SKOR2: variants seen among roughly 807,000 people sequenced by gnomAD.
SKOR2 encodes SKI family transcriptional corepressor 2, also known as LBX1 corepressor 1-like protein.
A neutral mutation model predicts 69.1 loss-of-function variants in SKOR2; 47 were observed. The ratio of observed to expected loss-of-function variants is 0.68; its 90% CI spans 0.54 to 0.87. The LOEUF (loss-of-function observed/expected upper bound fraction) is 0.87. Among genes scored for constraint, SKOR2 ranks in the 40% least tolerant of loss-of-function variants. SKOR2 has a pLI of 0.00. For synonymous variants in SKOR2, 717 were observed against 672.6 expected (o/e 1.07, Z -1.02); for missense variants, 1,404 against 1,472.2 (o/e 0.95, Z 0.76).
chr18:47,213,599 GA>G (rs919780142), intron 7 of SKOR2, among the ~76,000 whole-genome samples: 39 of 150,788 alleles, frequency 2.6e-4, no homozygotes, highest in Non-Finnish European at 4.7e-4. Flanking sequence ...TTTTTAACAG[GA>G]AAAAAAAGGA....
chr18:47,249,625 A>G (rs2064304068), intron 1 of SKOR2, among the ~76,000 whole-genome samples: 2 of 152,238 alleles, frequency 1.3e-5, no homozygotes, highest in African/African-American at 4.8e-5. Context: ...GGGCTTGGCC[A>G]TTGAAACCCA....
intron 6 of SKOR2, among the ~76,000 whole-genome samples, chr18:47,228,640 C>A (rs1481315391): frequency 6.6e-6 from 1 of 152,150 alleles, no homozygotes; most frequent in Non-Finnish European, 1.5e-5. Context: ...GCAAACTCAA[C>A]AATTAGATAA....
At chr18:47,228,430 T>C (rs62096538) in intron 6 of SKOR2, among the ~76,000 whole-genome samples, 81 of 152,352 alleles carry the variant, frequency 5.3e-4, no homozygotes, top group African/African-American at 1.9e-3. Flanking sequence ...ACATTTTGTT[T>C]AACGGAAACA....
At chr18:47,236,727 T>C (rs1394066714) in intron 4 of SKOR2, among the ~76,000 whole-genome samples, 1 of 152,102 alleles carries the variant, frequency 6.6e-6, no homozygotes, top group Non-Finnish European at 1.5e-5. Flanking sequence ...CTTCCCAGCA[T>C]CCAGAACTGA....
chr18:47,250,116 A>C (rs1388882961), intron 1 of SKOR2, among the ~76,000 whole-genome samples: 1 of 152,206 alleles, frequency 6.6e-6, no homozygotes, highest in Admixed American at 6.5e-5. Flanking sequence ...CTTCATTGGC[A>C]GACTTCAAAA....
Position 47,247,080 on chromosome 18 carries a change from G to A in SKOR2, c.2104C>T (p.Pro702Ser), listed in dbSNP as rs904348804. 3 of 1,267,442 alleles carry A rather than the reference G, an allele frequency of 2.4e-6. No individual in the cohort carries two copies. The highest frequency in any genetic ancestry group is 4.8e-5 in the South Asian group (2 of 41,496). The allele number at this position is 1,267,442 out of a possible 1,614,324, so 78.5% of individuals were successfully genotyped here. A position where few individuals can be genotyped will look rare whatever the true frequency, so the allele number is the denominator to read the frequency against. Residue 702 changes from proline (P) to serine (S), a missense_variant, in exon 2 of 9, where the codon CCC becomes TCC. By Grantham distance (74) the Pro-to-Ser change is moderately conservative. Around this residue, in one of 3 missense-constraint regions of SKOR2, gnomAD observed 1,266 missense variants for 1,309.9 expected, o/e 0.97. Coordinates refer to ENST00000425639, the MANE Select transcript of SKOR2 (RefSeq NM_001278063.4). The surrounding 1 kb of genome is among the most constrained non-coding windows in gnomAD (Gnocchi z 6.6). ...HPAPPPPPPP[P>S]PPPPLAQHPH... Reference sequence around the variant, plus strand: ...TGCTGGGCCAGAGGGGGCGGCGGGGGCGGCGGCGGCGGCGGCGGCGGGGCC... The same window carrying A: ...TGCTGGGCCAGAGGGGGCGGCGGGGACGGCGGCGGCGGCGGCGGCGGGGCC...
intron 7 of SKOR2, 139 bp from the exon 8 acceptor site, chr18:47,212,290 G>T (rs562856565): frequency 4.2e-6 from 3 of 708,464 alleles, no homozygotes; most frequent in African/African-American, 1.8e-5. Context: ...TCTGCTCAGC[G>T]GTATGAGGTT....
At position 47,224,962 on chromosome 18, in the gene SKOR2, A is replaced by G. The variant is rs149089651; in HGVS notation, c.2918-4952T>C. ...TTTTTTCATAGCCATCTTCTACTGA[A>G]AGGAGTTTAATCTGTACAGTATTTT... On this transcript the variant is annotated intron_variant, in intron 6 of 8. Coordinates refer to ENST00000425639, the MANE Select transcript of SKOR2 (RefSeq NM_001278063.4). Among the ~76,000 whole-genome samples, 32 of 152,246 alleles carry G rather than the reference A, an allele frequency of 2.1e-4. No homozygotes were observed. In the East Asian group the frequency reaches 6.2e-3, roughly 29 times the overall value.
At chr18:47,235,792 A>AAC (rs1401229556) in intron 4 of SKOR2, among the ~76,000 whole-genome samples, 3 of 150,854 alleles carry the variant, frequency 2.0e-5, no homozygotes, top group African/African-American at 4.9e-5. Context: ...AAAAAAAAAA[A>AAC]AAAAAAAAAC....
intron 4 of SKOR2, 146 bp downstream of exon 4, chr18:47,244,761 TC>T (rs1022346821): frequency 9.7e-6 from 6 of 621,580 alleles, no homozygotes; most frequent in African/African-American, 9.4e-5. Flanking sequence ...TGTCACTGCT[TC>T]CCCATTTGTG....
Position 47,247,790 on chromosome 18 carries a change from G to A in SKOR2, c.1394C>T (p.Pro465Leu). 2.1e-6 allele frequency: 3 copies of A among 1,398,806 alleles called. No homozygotes were observed. Among genetic ancestry groups the A allele is most frequent in the African/African-American group, 3.0e-5 (2 of 65,936 alleles). 86.6% of individuals were successfully genotyped at this position (1,398,806 alleles called of 1,614,324 possible). A position where few individuals can be genotyped will look rare whatever the true frequency, so the allele number is the denominator to read the frequency against. ...WPAGRKDAFY[P>L]PFCMFWPPRT... Reference sequence around the variant, plus strand: ...CGGCGGCCAGAACATGCAGAAGGGCGGATAGAAGGCGTCCTTGCGGCCCGC... The same window carrying A: ...CGGCGGCCAGAACATGCAGAAGGGCAGATAGAAGGCGTCCTTGCGGCCCGC... Residue 465 changes from proline (P) to leucine (L), a missense_variant, in exon 2 of 9, where the codon CCG (proline) becomes CTG (leucine). Transcript: ENST00000425639. This position sits in a 1 kb window ranked among gnomAD's most constrained non-coding sequence, Gnocchi z 6.6.
In SKOR2 at chr18:47,247,370, G is replaced by A. The variant is rs2064283605; in HGVS notation, c.1814C>T (p.Pro605Leu). Residue 605 changes from proline to leucine, a missense_variant, in exon 2 of 9, where the codon CCG (proline) becomes CTG (leucine). This residue lies in a region of SKOR2 where 1,266 missense variants were observed against 1,309.9 expected (regional missense o/e 0.97). Coordinates refer to ENST00000425639, the MANE Select transcript of SKOR2 (RefSeq NM_001278063.4). This position sits in a 1 kb window ranked among gnomAD's most constrained non-coding sequence, Gnocchi z 6.6. ...AGSRVPAPHHPHLLEGRKAGG... is the reference protein window; with the variant it reads ...AGSRVPAPHHLHLLEGRKAGG... Reference sequence around the variant, plus strand: ...CGCTTTGCGCCCCTCCAGAAGGTGCGGATGGTGGGGCGCCGGAACCCGGGA... The same window carrying A: ...CGCTTTGCGCCCCTCCAGAAGGTGCAGATGGTGGGGCGCCGGAACCCGGGA... 3 of 1,427,680 alleles carry A rather than the reference G, an allele frequency of 2.1e-6. No individual in the cohort carries two copies. Among genetic ancestry groups the A allele is most frequent in the African/African-American group, 1.5e-5 (1 of 67,402 alleles). 88.4% of individuals were successfully genotyped at this position (1,427,680 alleles called of 1,614,324 possible). A position where few individuals can be genotyped will look rare whatever the true frequency, so the allele number is the denominator to read the frequency against.
chr18:47,247,698 C>G lies in SKOR2; in HGVS notation c.1486G>C (p.Gly496Arg). The change falls in exon 2 of 9, where the codon GGC becomes CGC. Residue 496 changes from glycine (G) to arginine (R), a missense_variant. Around this residue, in one of 3 missense-constraint regions of SKOR2, gnomAD observed 1,266 missense variants for 1,309.9 expected, o/e 0.97. Transcript: ENST00000425639. The surrounding 1 kb of genome is among the most constrained non-coding windows in gnomAD (Gnocchi z 6.6). ...QPPPQPPSAL[G>R]CALGESPALL... ...GCCGGGCTTTCGCCTAGCGCGCAGC[C>G]TAGCGCCGAGGGCGGCTGAGGCGGG... is the stretch of plus-strand genomic sequence containing the variant. 1 of 1,366,442 alleles carries G rather than the reference C, an allele frequency of 7.3e-7. No individual in the cohort carries two copies. The highest frequency in any genetic ancestry group is 9.4e-7 in the Non-Finnish European group (1 of 1,068,662). The allele number at this position is 1,366,442 out of a possible 1,614,324, so 84.6% of individuals were successfully genotyped here. A position where few individuals can be genotyped will look rare whatever the true frequency, so the allele number is the denominator to read the frequency against.
chr18:47,220,135 G>A, intron 6 of SKOR2, 125 bp from the exon 7 acceptor site: 1 of 666,890 alleles, frequency 1.5e-6, no homozygotes, highest in Non-Finnish European at 2.5e-6. Context: ...TTTTTCATAG[G>A]CAAATTATAT....
rs557652629 is a variant in SKOR2 at position 47,209,417 on chromosome 18, G to A, written c.*4-2525C>T. ...GATTTTTATTTTGTAATCTCTCTTG[G>A]GGTAACTCCTTGCAGACTTGGCATG... On this transcript the variant is annotated intron_variant, in intron 8 of 8. Coordinates refer to ENST00000425639, the MANE Select transcript of SKOR2 (RefSeq NM_001278063.4). 1.8e-4 allele frequency among the ~76,000 whole-genome samples: 28 copies of A among 152,192 alleles called. No homozygotes were observed. The South Asian group carries it at 5.4e-3, about 29-fold the overall frequency.
intron 6 of SKOR2, 78 bp downstream of exon 6, chr18:47,230,381 T>A: frequency 1.1e-6 from 1 of 872,636 alleles, no homozygotes; most frequent in Non-Finnish European, 1.6e-6. Context: ...GCTTAATACT[T>A]AGAATCACAT....
At chr18:47,210,448 G>T (rs1369551253) in intron 8 of SKOR2, among the ~76,000 whole-genome samples, 2 of 152,022 alleles carry the variant, frequency 1.3e-5, no homozygotes, top group Non-Finnish European at 1.5e-5. Flanking sequence ...GAATAAGAAG[G>T]TTATTTTTAA....
Position 47,217,550 on chromosome 18 carries a change from A to C in SKOR2, c.2985+2393T>G, listed in dbSNP as rs557292758. On this transcript the variant is annotated intron_variant, in intron 7 of 8. Transcript: ENST00000425639. ...ATAACATTTGAGGAAACCAGGACCA[A>C]GCCAGGGAAATTTGGAAAAGAATTA... Among the ~76,000 whole-genome samples the C allele has an allele frequency of 1.6e-4, 24 of 152,326 alleles. 1 individual carries two copies. The South Asian group carries it at 5.0e-3, about 32-fold the overall frequency.
At chr18:47,240,037 C>A (rs2064242193) in intron 4 of SKOR2, among the ~76,000 whole-genome samples, 2 of 152,218 alleles carry the variant, frequency 1.3e-5, no homozygotes, top group African/African-American at 4.8e-5. Context: ...CAGAGTGCTT[C>A]ATCTGCTATA....
Sources: gnomAD v4.1 joint callset for allele counts (sites outside exome capture counted in the v4.1 genomes callset) on GRCh38, gnomAD v4.1.1 for gene constraint, gnomAD v4.1.1 regional missense constraint, Gnocchi (gnomAD v3.1) non-coding constraint, MANE v1.5 for transcripts, NCBI Gene and HGNC (gene_info 2026-07-23, HGNC 2026-07-21) for gene names.